Variants in CD302 observed in about 807,000 individuals in gnomAD.
The protein encoded by CD302 is CD302 molecule.
A neutral mutation model predicts 26.5 loss-of-function variants in CD302; 23 were observed. That is an observed-to-expected ratio of 0.87 (90% CI 0.62 to 1.23). CD302 has a LOEUF of 1.23. Among genes scored for constraint, CD302 ranks in the 50% most tolerant of loss-of-function variants. The pLI, the probability that CD302 is intolerant of heterozygous loss-of-function variation, is 0.00. For missense variants in CD302, 290 were observed against 275.5 expected, an observed-to-expected ratio of 1.05 and a Z score of -0.37; for synonymous variants, 90 against 99.4, an observed-to-expected ratio of 0.91 and a Z score of 0.56.
intron 1 of CD302, among the ~76,000 whole-genome samples, chr2:159,797,419 A>C (rs1682483303): frequency 6.6e-6 from 1 of 152,182 alleles, no homozygotes; most frequent in Admixed American, 6.5e-5. Context: ...ATTTTTTAAA[A>C]ATAAAGACCA....
At position 159,772,169 on chromosome 2, in the gene CD302, C is replaced by T. The variant is rs560110113; in HGVS notation, c.497-116G>A. ...ACATTTCTCTGTGTTGAGAATTTCC[C>T]ACACTGATGAGAAAACCAAAAATTT... On this transcript the variant is annotated intron_variant, in intron 5 of 5. Coordinates refer to ENST00000259053, the MANE Select transcript of CD302 (RefSeq NM_014880.5). The T allele has an allele frequency of 2.4e-6, 3 of 1,265,166 alleles. No individual in the cohort carries two copies. The East Asian group carries it at 7.6e-5, about 32-fold the overall frequency. 78.4% of individuals were successfully genotyped at this position (1,265,166 alleles called of 1,614,324 possible).
intron 2 of CD302, among the ~76,000 whole-genome samples, chr2:159,782,634 AG>A (rs371221639): frequency 4.3e-4 from 65 of 151,150 alleles, no homozygotes; most frequent in African/African-American, 1.5e-3. Flanking sequence ...CTGACATGGG[AG>A]GATCACTTGA....
chr2:159,769,641 A>G lies in CD302; in HGVS notation c.*2210T>C, dbSNP rs13939. 140,946 of 152,066 alleles carry G rather than the reference A, an allele frequency of 0.93. 65,449 individuals are homozygous for G. The highest frequency in any genetic ancestry group is 0.96 in the African/African-American group (39,982 of 41,472). 9.4% of individuals were successfully genotyped at this position (152,066 alleles called of 1,614,324 possible). A position where few individuals can be genotyped will look rare whatever the true frequency, so the allele number is the denominator to read the frequency against. On this transcript the variant is annotated 3_prime_UTR_variant, in exon 6 of 6. Coordinates refer to ENST00000259053, the MANE Select transcript of CD302 (RefSeq NM_014880.5). ...AGCCTGGGCAGCACAGTGAGACTCC[A>G]TCATATATATATATATAGCACTTCA... is the stretch of plus-strand genomic sequence containing the variant.
intron 1 of CD302, among the ~76,000 whole-genome samples, chr2:159,790,938 C>T (rs1363747814): frequency 6.6e-6 from 1 of 152,150 alleles, no homozygotes; most frequent in Non-Finnish European, 1.5e-5. Flanking sequence ...TCAAGTCAAG[C>T]ACTTATAGTT....
chr2:159,776,012 C>CAACTTTTTTTTTTTTTT (rs1708310195), intron 5 of CD302, among the ~76,000 whole-genome samples: 1 of 81,252 alleles, frequency 1.2e-5, no homozygotes, highest in Non-Finnish European at 2.3e-5. Flanking sequence ...CGGGTTTCAA[C>CAACTTTTTTTTTTTTTT]TTTTTTTTTT....
At chr2:159,786,977 G>A (rs55864355) in intron 1 of CD302, among the ~76,000 whole-genome samples, 48,444 of 151,980 alleles carry the variant, frequency 0.32, 9,686 homozygotes, top group Admixed American at 0.48. Context: ...CATACATTGT[G>A]TACTCTTTTG....
chr2:159,776,012 C>CCT (rs1708310195), intron 5 of CD302, among the ~76,000 whole-genome samples: 1 of 81,252 alleles, frequency 1.2e-5, no homozygotes, highest in African/African-American at 4.3e-5. Flanking sequence ...CGGGTTTCAA[C>CCT]TTTTTTTTTT....
chr2:159,774,486 G>C (rs1263408723), intron 5 of CD302, among the ~76,000 whole-genome samples: 1 of 152,154 alleles, frequency 6.6e-6, no homozygotes, highest in Non-Finnish European at 1.5e-5. Flanking sequence ...GAAACATTTT[G>C]TTAGGCTGTA....
chr2:159,790,415 C>T (rs1330123109), intron 1 of CD302, among the ~76,000 whole-genome samples: 4 of 151,894 alleles, frequency 2.6e-5, no homozygotes, highest in Non-Finnish European at 5.9e-5. Context: ...TGATAAAAAG[C>T]ACAGTTACAG....
chr2:159,776,345 T>C (rs1158449066), intron 5 of CD302, among the ~76,000 whole-genome samples: 4 of 152,194 alleles, frequency 2.6e-5, no homozygotes, highest in African/African-American at 9.6e-5. Flanking sequence ...GCTATGAACA[T>C]AGATACACAA....
At chr2:159,780,315 G>T (rs545644627) in intron 3 of CD302, 137 bp from the exon 4 acceptor site, 282 of 950,806 alleles carry the variant, frequency 3.0e-4, no homozygotes, top group Non-Finnish European at 4.0e-4. Context: ...AAATTAGAAG[G>T]AGGAATATAT....
Position 159,771,402 on chromosome 2 carries a change from AG to A in CD302, c.*448del, listed in dbSNP as rs1165605498. The stretch of plus-strand genomic sequence containing the variant: ...AATCATAAAAAGATACACATTCTAG[AG>A]GAATTATCTGCCAAAAAAATAACAA... On this transcript the variant is annotated 3_prime_UTR_variant, in exon 6 of 6. Transcript: ENST00000259053. 6.5e-6 allele frequency: 1 copy of A among 153,532 alleles called. No homozygotes were observed. The highest frequency in any genetic ancestry group is 1.4e-5 in the Non-Finnish European group (1 of 68,978). 9.5% of individuals were successfully genotyped at this position (153,532 alleles called of 1,614,324 possible).
intron 4 of CD302, 55 bp downstream of exon 4, chr2:159,779,950 A>T: frequency 6.4e-7 from 1 of 1,551,046 alleles, no homozygotes; most frequent in Non-Finnish European, 8.7e-7. Flanking sequence ...TTTTAAAACC[A>T]GTCCTACTTT....
rs1182682467 is a variant in CD302 at position 159,770,462 on chromosome 2, T to A, written c.*1389A>T. ...ATTCATGTGGTCAATAAAAAGAGAC[T>A]ACACAAGCTGGAACTTTGTTGCCAT... On this transcript the variant is annotated 3_prime_UTR_variant, in exon 6 of 6. Coordinates refer to ENST00000259053, the MANE Select transcript of CD302 (RefSeq NM_014880.5). 6.6e-6 allele frequency: 1 copy of A among 152,180 alleles called. No individual in the cohort carries two copies. Among genetic ancestry groups the A allele is most frequent in the East Asian group, 1.9e-4 (1 of 5,202 alleles). The allele number at this position is 152,180 out of a possible 1,614,324, so 9.4% of individuals were successfully genotyped here. A position where few individuals can be genotyped will look rare whatever the true frequency, so the allele number is the denominator to read the frequency against.
At chr2:159,779,496 C>T (rs1244838725) in intron 4 of CD302, among the ~76,000 whole-genome samples, 2 of 152,098 alleles carry the variant, frequency 1.3e-5, no homozygotes, top group Non-Finnish European at 2.9e-5. Context: ...AAACACTAAG[C>T]AGACAGAATA....
intron 5 of CD302, among the ~76,000 whole-genome samples, chr2:159,776,411 G>GATAC (rs1379065996): frequency 6.6e-6 from 1 of 151,966 alleles, no homozygotes; most frequent in African/African-American, 2.4e-5. Flanking sequence ...AGTTATTTGG[G>GATAC]ATACATACTC....
In CD302 at chr2:159,770,811, T is replaced by G. The variant is rs1274954297; in HGVS notation, c.*1040A>C. On this transcript the variant is annotated 3_prime_UTR_variant, in exon 6 of 6. Transcript: ENST00000259053. ...AATACAAGCTGATTTTCACACAAGA[T>G]TCCCTAACTATGCATTTCTTAGAAC... is the stretch of plus-strand genomic sequence containing the variant. 6.6e-6 allele frequency: 1 copy of G among 152,178 alleles called. No individual in the cohort carries two copies. Among genetic ancestry groups the G allele is most frequent in the East Asian group, 1.9e-4 (1 of 5,198 alleles). The allele number at this position is 152,178 out of a possible 1,614,324, so 9.4% of individuals were successfully genotyped here. A position where few individuals can be genotyped will look rare whatever the true frequency, so the allele number is the denominator to read the frequency against.
At chr2:159,789,811 A>T (rs1322182074) in intron 1 of CD302, among the ~76,000 whole-genome samples, 2 of 152,180 alleles carry the variant, frequency 1.3e-5, no homozygotes, top group Admixed American at 1.3e-4. Context: ...TTTCCTCAAC[A>T]CTATGAGATT....
chr2:159,776,954 A>G (rs1708351909), intron 5 of CD302, among the ~76,000 whole-genome samples: 1 of 152,196 alleles, frequency 6.6e-6, no homozygotes, highest in Admixed American at 6.5e-5. Context: ...AAATATAGGC[A>G]ACTCAAAAAA....
Sources: gnomAD v4.1 joint callset for allele counts (sites outside exome capture counted in the v4.1 genomes callset) on GRCh38, gnomAD v4.1.1 for gene constraint, MANE v1.5 for transcripts, NCBI Gene and HGNC (gene_info 2026-07-23, HGNC 2026-07-21) for gene names.